EEIG1: variants seen among roughly 807,000 people sequenced by gnomAD.
EEIG1 encodes early estrogen-induced gene 1 protein.
At chr9:127,962,966 TA>T in the EEIG1 span, among the ~76,000 whole-genome samples, 2 of 152,284 alleles carry the variant, frequency 1.3e-5, no homozygotes, top group African/African-American at 4.8e-5. Context: ...ACTGAAATTT[TA>T]AAATGATAGA....
the EEIG1 span, chr9:127,943,228 A>G: frequency 6.2e-7 from 1 of 1,614,152 alleles, no homozygotes; most frequent in East Asian, 2.2e-5. Context: ...CGTAGACCCC[A>G]GAAGAGACCC....
At chr9:127,943,080 C>CATGGATGA in the EEIG1 span, 6 of 938,674 alleles carry the variant, frequency 6.4e-6, no homozygotes, top group Non-Finnish European at 1.0e-5. Context: ...ATGGAGGAGG[C>CATGGATGA]ATGGATGAGA....
the EEIG1 span, chr9:127,950,495 G>A: frequency 1.9e-6 from 3 of 1,614,056 alleles, no homozygotes; most frequent in Non-Finnish European, 2.5e-6. Flanking sequence ...GCACCGTGGA[G>A]CCCGAGCCCG....
At chr9:127,944,040 T>C in the EEIG1 span, 1 of 154,776 alleles carries the variant, frequency 6.5e-6, no homozygotes, top group Non-Finnish European at 1.4e-5. Context: ...CCAAAGCACA[T>C]GGAGAGCCAG....
At chr9:127,948,804 G>T in the EEIG1 span, among the ~76,000 whole-genome samples, 1 of 152,234 alleles carries the variant, frequency 6.6e-6, no homozygotes, top group Non-Finnish European at 1.5e-5. Context: ...GGCAGGAGAG[G>T]GAAGAGGGCT....
At chr9:127,980,737 C>A in the EEIG1 span, among the ~76,000 whole-genome samples, 1 of 149,756 alleles carries the variant, frequency 6.7e-6, no homozygotes, top group African/African-American at 2.4e-5. Context: ...GGAGGCGCGT[C>A]GGGGTCGCTG....
At chr9:127,980,003 G>A in the EEIG1 span, 5 of 1,612,582 alleles carry the variant, frequency 3.1e-6, no homozygotes, top group African/African-American at 4.0e-5. Context: ...TTGACGACAA[G>A]CTGACAAAAT....
the EEIG1 span, among the ~76,000 whole-genome samples, chr9:127,965,098 G>A: frequency 9.8e-6 from 1 of 102,184 alleles, no homozygotes; most frequent in Admixed American, 1.5e-4. Context: ...GACAGAGCAA[G>A]ACTGTCTCAA....
At chr9:127,966,899 C>T in the EEIG1 span, among the ~76,000 whole-genome samples, 3 of 152,328 alleles carry the variant, frequency 2.0e-5, no homozygotes, top group South Asian at 6.2e-4. Flanking sequence ...CCCAGGCCCC[C>T]CTTCAGGAAC....
At chr9:127,966,425 T>C in the EEIG1 span, among the ~76,000 whole-genome samples, 56 of 139,774 alleles carry the variant, frequency 4.0e-4, 1 homozygote, top group South Asian at 8.7e-3. Flanking sequence ...CTGGGCAACA[T>C]AGCAAAACCC....
the EEIG1 span, among the ~76,000 whole-genome samples, chr9:127,957,102 A>G: frequency 6.6e-6 from 1 of 152,064 alleles, no homozygotes; most frequent in Non-Finnish European, 1.5e-5. Flanking sequence ...GAGGTCAGGT[A>G]GCTATAGTTC....
the EEIG1 span, chr9:127,953,827 A>T: frequency 6.2e-7 from 1 of 1,613,998 alleles, no homozygotes; most frequent in Non-Finnish European, 8.5e-7. Context: ...CACACGGAAG[A>T]CACAGGGGTC....
the EEIG1 span, among the ~76,000 whole-genome samples, chr9:127,970,806 T>TGCCTCTGCCCTTGCCGC: frequency 3.9e-5 from 6 of 152,132 alleles, no homozygotes; most frequent in African/African-American, 1.4e-4. Flanking sequence ...GCCCTTGCCG[T>TGCCTCTGCCCTTGCCGC]GCCTCTGCCG....
chr9:127,977,021 TAGGAACCC>T, the EEIG1 span, among the ~76,000 whole-genome samples: 103 of 150,682 alleles, frequency 6.8e-4, no homozygotes, highest in African/African-American at 2.2e-3. Context: ...GTGGAGGGGG[TAGGAACCC>T]AGGAACCCAG....
the EEIG1 span, chr9:127,972,594 A>G: frequency 1.3e-5 from 2 of 152,316 alleles, no homozygotes; most frequent in African/African-American, 4.8e-5. The surrounding 1 kb of genome is among the most constrained non-coding windows in gnomAD (Gnocchi z 4.3). Context: ...TCCCTTGCCC[A>G]AGGTCACACA....
At chr9:127,965,879 A>G in the EEIG1 span, among the ~76,000 whole-genome samples, 1 of 152,314 alleles carries the variant, frequency 6.6e-6, no homozygotes, top group East Asian at 1.9e-4. Flanking sequence ...CCAGGGGTTC[A>G]GGGGGAGCAG....
chr9:127,971,362 C>T, the EEIG1 span, among the ~76,000 whole-genome samples: 1 of 152,132 alleles, frequency 6.6e-6, no homozygotes, highest in African/African-American at 2.4e-5. Context: ...TCCTCCTTTC[C>T]ATTCTGCTTG....
the EEIG1 span, among the ~76,000 whole-genome samples, chr9:127,967,118 G>T: frequency 6.6e-6 from 1 of 152,232 alleles, no homozygotes; most frequent in Admixed American, 6.5e-5. Flanking sequence ...CTGGGTCAAA[G>T]TGTGGGGCCA....
the EEIG1 span, among the ~76,000 whole-genome samples, chr9:127,969,294 G>C: frequency 6.6e-6 from 1 of 152,178 alleles, no homozygotes; most frequent in East Asian, 1.9e-4. Context: ...CTTGGCCAAG[G>C]CAATGGCCTG....
Sources: gnomAD v4.1 joint callset for allele counts (sites outside exome capture counted in the v4.1 genomes callset) on GRCh38, gnomAD v4.1.1 for gene constraint, Gnocchi (gnomAD v3.1) non-coding constraint, MANE v1.5 for transcripts, NCBI Gene and HGNC (gene_info 2026-07-23, HGNC 2026-07-21) for gene names.